BCL2: variants seen among roughly 807,000 people sequenced by gnomAD.
BCL2 encodes the protein BCL2 apoptosis regulator, also known as apoptosis regulator Bcl-2.
BCL2 carries 1 observed loss-of-function variant against 14.2 expected under a neutral mutation model. That is an observed-to-expected ratio of 0.07 (90% CI 0.02 to 0.33). The LOEUF is 0.33. Among genes scored for constraint, BCL2 ranks in the 10% least tolerant of loss-of-function variants. The pLI, the probability that BCL2 is intolerant of heterozygous loss-of-function variation, is 0.99. For synonymous variants in BCL2, 151 were observed against 137.2 expected (o/e 1.10, Z -0.70); for missense variants, 247 against 305.9 (o/e 0.81, Z 1.44).
At chr18:63,143,200 G>A (rs1914412446) in intron 2 of BCL2, among the ~76,000 whole-genome samples, 1 of 152,246 alleles carries the variant, frequency 6.6e-6, no homozygotes, top group Admixed American at 6.5e-5. Context: ...CAGAAACTCA[G>A]AGAGAGAAAC....
intron 2 of BCL2, among the ~76,000 whole-genome samples, chr18:63,217,366 T>C (rs1025979168): frequency 1.3e-5 from 2 of 152,162 alleles, no homozygotes; most frequent in East Asian, 1.9e-4. Context: ...AAAAAGTCAA[T>C]GTGACTTGGT....
At chr18:63,210,559 A>G (rs1257758072) in intron 2 of BCL2, among the ~76,000 whole-genome samples, 4 of 152,346 alleles carry the variant, frequency 2.6e-5, no homozygotes, top group African/African-American at 9.6e-5. Flanking sequence ...CACATATATT[A>G]ATTTAAAAAT....
At chr18:63,160,773 G>C (rs1914900206) in intron 2 of BCL2, among the ~76,000 whole-genome samples, 1 of 133,466 alleles carries the variant, frequency 7.5e-6, no homozygotes, top group African/African-American at 3.4e-5. Flanking sequence ...ATGGGGGCGG[G>C]GCTGCGAGAA....
chr18:63,169,313 TTCC>T, intron 2 of BCL2, among the ~76,000 whole-genome samples: 2 of 85,708 alleles, frequency 2.3e-5, no homozygotes, highest in South Asian at 9.2e-4. Flanking sequence ...TCTTTCTTCC[TTCC>T]TTCCTTCTTT....
rs180847268 is a variant in BCL2 at position 63,127,044 on chromosome 18, T to A, written c.*1581A>T. ...AGTTCCCCACCATTGATTTTTTTTTTAATGCCCCAGGATGTACAGATAACC... is the reference window on the plus strand; with the variant it reads ...AGTTCCCCACCATTGATTTTTTTTTAAATGCCCCAGGATGTACAGATAACC... On this transcript the variant is annotated 3_prime_UTR_variant, in exon 3 of 3. Transcript: ENST00000333681. 1 of 226,058 alleles carries A rather than the reference T, an allele frequency of 4.4e-6. No homozygotes were observed. Among genetic ancestry groups the A allele is most frequent in the Non-Finnish European group, 8.8e-6 (1 of 113,778 alleles). The allele number at this position is 226,058 out of a possible 1,614,324, so 14.0% of individuals were successfully genotyped here. A position where few individuals can be genotyped will look rare whatever the true frequency, so the allele number is the denominator to read the frequency against.
At chr18:63,198,513 CACACATAG>C (rs1313362034) in intron 2 of BCL2, among the ~76,000 whole-genome samples, 3 of 136,310 alleles carry the variant, frequency 2.2e-5, no homozygotes, top group Admixed American at 1.5e-4. Context: ...GACACACAGA[CACACATAG>C]ACACAGACAC....
At position 63,317,632 on chromosome 18, in the gene BCL2, C is replaced by G. The variant is rs551453374; in HGVS notation, c.585+450G>C. The stretch of plus-strand genomic sequence containing the variant: ...GTTGTTCTCCAATTTTAGTGTACAA[C>G]GGGCTTGTTTCAGGGGAGCTTGTTT... On this transcript the variant is annotated intron_variant, in intron 2 of 2. Coordinates refer to ENST00000333681, the MANE Select transcript of BCL2 (RefSeq NM_000633.3). 4.3e-5 allele frequency: 44 copies of G among 1,011,672 alleles called. No homozygotes were observed. In the African/African-American group the frequency reaches 7.4e-4, roughly 17 times the overall value. 62.7% of individuals were successfully genotyped at this position (1,011,672 alleles called of 1,614,324 possible).
At chr18:63,269,206 G>A (rs888543931) in intron 2 of BCL2, among the ~76,000 whole-genome samples, 26 of 151,818 alleles carry the variant, frequency 1.7e-4, no homozygotes, top group Admixed American at 2.6e-4. Flanking sequence ...CTACCACATC[G>A]GCCTCCCAAA....
At chr18:63,198,507 CACAG>C (rs1210435138) in intron 2 of BCL2, among the ~76,000 whole-genome samples, 15 of 136,774 alleles carry the variant, frequency 1.1e-4, no homozygotes, top group African/African-American at 3.9e-4. Context: ...CACATTGACA[CACAG>C]ACACACATAG....
intron 2 of BCL2, among the ~76,000 whole-genome samples, chr18:63,226,500 T>C (rs1024945703): frequency 2.0e-5 from 3 of 152,214 alleles, no homozygotes; most frequent in Non-Finnish European, 4.4e-5. Flanking sequence ...GAATAAACTA[T>C]AATATAGCCA....
intron 2 of BCL2, among the ~76,000 whole-genome samples, chr18:63,251,724 G>A (rs1437508496): frequency 6.8e-6 from 1 of 148,064 alleles, no homozygotes; most frequent in Non-Finnish European, 1.5e-5. Context: ...TTTTGACGTA[G>A]TTTCTCTCTT....
intron 2 of BCL2, among the ~76,000 whole-genome samples, chr18:63,289,406 GAAT>G (rs1295044646): frequency 1.3e-5 from 2 of 152,186 alleles, no homozygotes; most frequent in Non-Finnish European, 2.9e-5. Flanking sequence ...GATGGGAACA[GAAT>G]ACTCTGGGAT....
At chr18:63,188,499 T>G (rs2144649221) in intron 2 of BCL2, among the ~76,000 whole-genome samples, 1 of 152,320 alleles carries the variant, frequency 6.6e-6, no homozygotes, top group Middle Eastern at 3.4e-3. Context: ...GTTTGGAAAT[T>G]ATGAATGACC....
At chr18:63,167,699 G>C (rs777094890) in intron 2 of BCL2, among the ~76,000 whole-genome samples, 4 of 152,128 alleles carry the variant, frequency 2.6e-5, no homozygotes, top group Non-Finnish European at 5.9e-5. Context: ...AGGCCAAGGC[G>C]GGTGGATCAT....
chr18:63,277,753 C>T (rs986991069), intron 2 of BCL2, among the ~76,000 whole-genome samples: 2 of 152,134 alleles, frequency 1.3e-5, no homozygotes, highest in African/African-American at 4.8e-5. Flanking sequence ...GACCAGGTTT[C>T]TCATGCCCAC....
intron 2 of BCL2, among the ~76,000 whole-genome samples, chr18:63,183,362 T>G (rs1298853054): frequency 6.6e-6 from 1 of 151,928 alleles, no homozygotes; most frequent in African/African-American, 2.4e-5. Context: ...GGAGTTGGTG[T>G]TGTGGCTCAC....
chr18:63,246,057 T>C (rs1163958619), intron 2 of BCL2, among the ~76,000 whole-genome samples: 2 of 152,196 alleles, frequency 1.3e-5, no homozygotes, highest in Non-Finnish European at 2.9e-5. Context: ...CAATAGGTTT[T>C]TGAAAAGTTC....
intron 2 of BCL2, among the ~76,000 whole-genome samples, chr18:63,265,118 T>C (rs1911787950): frequency 6.6e-6 from 1 of 152,052 alleles, no homozygotes; most frequent in South Asian, 2.1e-4. Flanking sequence ...CCAATCAAAA[T>C]AAACAGTGAA....
At chr18:63,272,686 A>T (rs1471233681) in intron 2 of BCL2, among the ~76,000 whole-genome samples, 3 of 152,218 alleles carry the variant, frequency 2.0e-5, no homozygotes, top group Admixed American at 6.5e-5. Context: ...ACTTAGACTG[A>T]CACTTTAACT....
Sources: gnomAD v4.1 joint callset for allele counts (sites outside exome capture counted in the v4.1 genomes callset) on GRCh38, gnomAD v4.1.1 for gene constraint, MANE v1.5 for transcripts, NCBI Gene and HGNC (gene_info 2026-07-23, HGNC 2026-07-21) for gene names.